Variants in STK25 observed in about 807,000 individuals in gnomAD.
STK25 encodes serine/threonine-protein kinase 25.
In STK25, 29 loss-of-function variants were observed where a neutral mutation model predicts 53.8. The observed-to-expected ratio is 0.54, with a 90% confidence interval of 0.40 to 0.74. The LOEUF (loss-of-function observed/expected upper bound fraction) is 0.74, where lower values mean the gene tolerates loss of function less well. Ranked by LOEUF, STK25 falls within the 30% of genes least tolerant of loss-of-function variation. The pLI is 0.00. For missense variants in STK25, 420 were observed against 568.0 expected (o/e 0.74, Z 2.65); for synonymous variants, 247 against 238.3 (o/e 1.04, Z -0.33).
In STK25 at chr2:241,498,720, AAGG is replaced by A. The variant is rs770340767; in HGVS notation, c.833_835del (p.Ser278del). ...ATAGCGGTCGATGAGCTCCGTGAGG[AAGG>A]AGGTCTTCTTGGTGTAGCGTGTGAT... On this transcript the variant is annotated inframe_deletion, in exon 8 of 12. Coordinates refer to ENST00000316586, the MANE Select transcript of STK25 (RefSeq NM_001271977.2). 1 of 1,614,104 alleles carries A rather than the reference AAGG, an allele frequency of 6.2e-7. No homozygotes were observed. The highest frequency in any genetic ancestry group is 8.5e-7 in the Non-Finnish European group (1 of 1,180,022).
rs933086286 is a variant in STK25 at position 241,508,553 on chromosome 2, C to A, written c.-211G>T. The A allele has an allele frequency of 9.3e-5, 93 of 994,868 alleles. No homozygotes were observed. The highest frequency in any genetic ancestry group is 1.1e-4 in the Non-Finnish European group (89 of 835,556). 61.6% of individuals were successfully genotyped at this position (994,868 alleles called of 1,614,324 possible). ...ACCCCGGGCCTCCCAGCCCGCGAAG[C>A]AACGGTGGTGGCGGCAGCGACCGGA... On this transcript the variant is annotated 5_prime_UTR_variant, in exon 1 of 12. Transcript: ENST00000316586.
intron 2 of STK25, among the ~76,000 whole-genome samples, chr2:241,506,048 G>A (rs2065804461): frequency 6.6e-6 from 1 of 152,240 alleles, no homozygotes; most frequent in Non-Finnish European, 1.5e-5. Context: ...ATAGCTGAGT[G>A]GTGATACAGT....
At chr2:241,508,222 GCCCAGGAGACCC>G (rs2065974073) in intron 1 of STK25, 87 bp from the exon 2 acceptor site, 3 of 1,297,460 alleles carry the variant, frequency 2.3e-6, no homozygotes, top group South Asian at 2.0e-5. Flanking sequence ...GTGGGGGGGG[GCCCAGGAGACCC>G]CCCAGGCCGC....
At chr2:241,498,452 G>A (rs956063801) in intron 8 of STK25, 103 bp from the exon 9 acceptor site, 62 of 1,295,812 alleles carry the variant, frequency 4.8e-5, no homozygotes, top group South Asian at 1.4e-4. Context: ...GGTACCAGAC[G>A]GGGCTCTGCC....
upstream of STK25, chr2:241,508,606 G>A: frequency 1.0e-6 from 1 of 987,104 alleles, no homozygotes; most frequent in Non-Finnish European, 1.2e-6. Flanking sequence ...GGCGAGGGCG[G>A]TGCTCGGCGT....
chr2:241,493,159 CTG>C lies in STK25; in HGVS notation c.*2501_*2502del. The stretch of plus-strand genomic sequence containing the variant: ...CCATGCTTTGCCCACACACCCTGTG[CTG>C]TGTGAACAGGGAAACTGGCTCCCTT... On this transcript the variant is annotated 3_prime_UTR_variant, in exon 12 of 12. Transcript: ENST00000316586. 1 of 1,170,572 alleles carries C rather than the reference CTG, an allele frequency of 8.5e-7. No individual in the cohort carries two copies. Among genetic ancestry groups the C allele is most frequent in the Non-Finnish European group, 1.3e-6 (1 of 793,360 alleles). 72.5% of individuals were successfully genotyped at this position (1,170,572 alleles called of 1,614,324 possible). A position where few individuals can be genotyped will look rare whatever the true frequency, so the allele number is the denominator to read the frequency against.
At chr2:241,507,249 G>T (rs552278379) in intron 2 of STK25, among the ~76,000 whole-genome samples, 34 of 152,308 alleles carry the variant, frequency 2.2e-4, no homozygotes, top group African/African-American at 8.2e-4. Flanking sequence ...CCCCAGGTTG[G>T]CTGACCCCAC....
At position 241,501,254 on chromosome 2, in the gene STK25, A is replaced by G. The variant is rs912367497; in HGVS notation, c.261+224T>C. 4.9e-6 allele frequency: 3 copies of G among 610,020 alleles called. No homozygotes were observed. The highest frequency in any genetic ancestry group is 3.6e-5 in the African/African-American group (2 of 54,802). 37.8% of individuals were successfully genotyped at this position (610,020 alleles called of 1,614,324 possible). A position where few individuals can be genotyped will look rare whatever the true frequency, so the allele number is the denominator to read the frequency against. Reference sequence around the variant, plus strand: ...CCAGAGTGCTCCTAGCAGCGCCCTCACTGCATTACCACAGGCAGGCAAGTG... The same window carrying G: ...CCAGAGTGCTCCTAGCAGCGCCCTCGCTGCATTACCACAGGCAGGCAAGTG... On this transcript the variant is annotated intron_variant, in intron 3 of 11. Coordinates refer to ENST00000316586, the MANE Select transcript of STK25 (RefSeq NM_001271977.2). This position sits in a 1 kb window ranked among gnomAD's most constrained non-coding sequence, Gnocchi z 5.3.
intron 3 of STK25, 80 bp from the exon 4 acceptor site, chr2:241,500,876 C>G: frequency 6.9e-7 from 1 of 1,451,512 alleles, no homozygotes; most frequent in Non-Finnish European, 9.6e-7. Flanking sequence ...AGGCCGGAGT[C>G]AGCCAGGGCC....
At chr2:241,503,692 G>T (rs1267469308) in intron 2 of STK25, among the ~76,000 whole-genome samples, 1 of 101,872 alleles carries the variant, frequency 9.8e-6, no homozygotes, top group Non-Finnish European at 2.0e-5. Flanking sequence ...GCAAGACTCC[G>T]TCTCAAAAAA....
Position 241,492,964 on chromosome 2 carries a change from A to G in STK25, c.*2698T>C, listed in dbSNP as rs774148238. ...CAGGATATCTGCTAAGAAAGTTCAA[A>G]AACAGTCATGGCTGGCAGAAGCTCT... On this transcript the variant is annotated 3_prime_UTR_variant, in exon 12 of 12. Coordinates refer to ENST00000316586, the MANE Select transcript of STK25 (RefSeq NM_001271977.2). 2 of 1,613,088 alleles carry G rather than the reference A, an allele frequency of 1.2e-6. No individual in the cohort carries two copies. Among genetic ancestry groups the G allele is most frequent in the Non-Finnish European group, 1.7e-6 (2 of 1,179,048 alleles).
Position 241,493,208 on chromosome 2 carries a change from GCCA to G in STK25, c.*2451_*2453del. On this transcript the variant is annotated 3_prime_UTR_variant, in exon 12 of 12. Transcript: ENST00000316586. ...CCTTGGCCCGTGGGCATTTGTACGT[GCCA>G]CCGTTGTGCAGGTAGCAGAGGAATG... The G allele has an allele frequency of 6.8e-7, 1 of 1,476,662 alleles. No homozygotes were observed. The highest frequency in any genetic ancestry group is 9.4e-7 in the Non-Finnish European group (1 of 1,066,080). The allele number at this position is 1,476,662 out of a possible 1,614,324, so 91.5% of individuals were successfully genotyped here. A position where few individuals can be genotyped will look rare whatever the true frequency, so the allele number is the denominator to read the frequency against.
At chr2:241,502,046 C>G (rs900523514) in intron 2 of STK25, 1 of 260,868 alleles carries the variant, frequency 3.8e-6, no homozygotes, top group Non-Finnish European at 7.5e-6. Flanking sequence ...TGCCTGTAAT[C>G]CCAGCTACTC....
chr2:241,501,402 T>A lies in STK25; in HGVS notation c.261+76A>T. On this transcript the variant is annotated intron_variant, in intron 3 of 11. Coordinates refer to ENST00000316586, the MANE Select transcript of STK25 (RefSeq NM_001271977.2). This position sits in a 1 kb window ranked among gnomAD's most constrained non-coding sequence, Gnocchi z 5.3. ...CAAGACCGCCTTGCACCCTCTGGCATGTCACTCAGTCCCTCTGACATGGAA... is the reference window on the plus strand; with the variant it reads ...CAAGACCGCCTTGCACCCTCTGGCAAGTCACTCAGTCCCTCTGACATGGAA... The A allele has an allele frequency of 6.9e-7, 1 of 1,444,250 alleles. No individual in the cohort carries two copies. The highest frequency in any genetic ancestry group is 9.6e-7 in the Non-Finnish European group (1 of 1,042,114). 89.5% of individuals were successfully genotyped at this position (1,444,250 alleles called of 1,614,324 possible). A position where few individuals can be genotyped will look rare whatever the true frequency, so the allele number is the denominator to read the frequency against.
chr2:241,507,535 GCTT>G (rs2065909895), intron 2 of STK25, among the ~76,000 whole-genome samples: 1 of 152,186 alleles, frequency 6.6e-6, no homozygotes, highest in African/African-American at 2.4e-5. Flanking sequence ...ACTCAGATCT[GCTT>G]CTCCACAATC....
In STK25 at chr2:241,493,135, C is replaced by G; in HGVS notation, c.*2527G>C. On this transcript the variant is annotated 3_prime_UTR_variant, in exon 12 of 12. Transcript: ENST00000316586. ...CTTTTGTATTTTGGTTCTGCCCTCC[C>G]ATGCTTTGCCCACACACCCTGTGCT... 8.7e-7 allele frequency: 1 copy of G among 1,146,528 alleles called. No individual in the cohort carries two copies. Among genetic ancestry groups the G allele is most frequent in the Non-Finnish European group, 1.3e-6 (1 of 766,162 alleles). 71.0% of individuals were successfully genotyped at this position (1,146,528 alleles called of 1,614,324 possible). A position where few individuals can be genotyped will look rare whatever the true frequency, so the allele number is the denominator to read the frequency against.
chr2:241,495,189 C>T lies in STK25; in HGVS notation c.*473G>A, dbSNP rs947548166. On this transcript the variant is annotated 3_prime_UTR_variant, in exon 12 of 12. Coordinates refer to ENST00000316586, the MANE Select transcript of STK25 (RefSeq NM_001271977.2). ...GCAGACACAGTACCTGATCCAACAC[C>T]ACAAGGCAAATCTATGGCCATCATG... 1.2e-5 allele frequency: 2 copies of T among 160,742 alleles called. No homozygotes were observed. The highest frequency in any genetic ancestry group is 4.8e-5 in the African/African-American group (2 of 41,786). 10.0% of individuals were successfully genotyped at this position (160,742 alleles called of 1,614,324 possible).
At position 241,493,015 on chromosome 2, in the gene STK25, G is replaced by A. The variant is rs938885805; in HGVS notation, c.*2647C>T. 6.9e-6 allele frequency: 11 copies of A among 1,604,568 alleles called. No homozygotes were observed. The highest frequency in any genetic ancestry group is 6.7e-5 in the African/African-American group (5 of 74,752). On this transcript the variant is annotated 3_prime_UTR_variant, in exon 12 of 12. Transcript: ENST00000316586. ...GGGTCGTCTTTACCAACTTCTGTTTGTTCTTCTACAAAACTCATCAGGTAC... is the reference window on the plus strand; with the variant it reads ...GGGTCGTCTTTACCAACTTCTGTTTATTCTTCTACAAAACTCATCAGGTAC...
intron 2 of STK25, among the ~76,000 whole-genome samples, chr2:241,503,217 C>A (rs1181445907): frequency 6.6e-6 from 1 of 152,054 alleles, no homozygotes; most frequent in Admixed American, 6.5e-5. Flanking sequence ...GCATGCACCA[C>A]CACTCCCAGT....
Sources: allele counts gnomAD v4.1 joint callset (sites outside exome capture counted in the v4.1 genomes callset), GRCh38; gene constraint gnomAD v4.1.1; non-coding constraint Gnocchi (gnomAD v3.1); transcripts MANE v1.5; gene names NCBI Gene and HGNC (gene_info 2026-07-23, HGNC 2026-07-21).